Variants in SUCO observed in about 807,000 individuals in gnomAD.
SUCO encodes SUN domain-containing ossification factor.
SUCO carries 57 observed loss-of-function variants against 148.1 expected under a neutral mutation model. The ratio of observed to expected loss-of-function variants is 0.38; its 90% CI spans 0.31 to 0.48. The LOEUF (loss-of-function observed/expected upper bound fraction) is 0.48. Among genes scored for constraint, SUCO ranks in the 20% least tolerant of loss-of-function variants. The pLI, the probability that SUCO is intolerant of heterozygous loss-of-function variation, is 0.96. For synonymous variants in SUCO, 470 were observed against 502.7 expected, an observed-to-expected ratio of 0.93 and a Z score of 0.87; for missense variants, 1,331 against 1,468.2, an observed-to-expected ratio of 0.91 and a Z score of 1.53.
chr1:172,599,979 GT>G, intron 19 of SUCO, 84 bp from the exon 20 acceptor site: 16 of 928,828 alleles, frequency 1.7e-5, no homozygotes, highest in East Asian at 5.9e-5. Context: ...TAACTTAATG[GT>G]TTTTTTTAGA....
At chr1:172,573,285 A>AT (rs1383905333) in intron 9 of SUCO, among the ~76,000 whole-genome samples, 1 of 152,100 alleles carries the variant, frequency 6.6e-6, no homozygotes, top group Non-Finnish European at 1.5e-5. Flanking sequence ...CAGTCTCTAG[A>AT]TTTTTTATGT....
chr1:172,574,799 G>A, intron 10 of SUCO: 1 of 694,876 alleles, frequency 1.4e-6, no homozygotes, highest in South Asian at 6.4e-5. Flanking sequence ...TTTCCTTGGT[G>A]TTTCTTCCTC....
chr1:172,532,771 CGCGGACTCAGCGCGCGAGGGACGAAGG>C (rs1399480204), upstream of SUCO: 2 of 1,612,632 alleles, frequency 1.2e-6, no homozygotes, highest in Non-Finnish European at 1.7e-6. Flanking sequence ...AAGGCCCTTG[CGCGGACTCAGCGCGCGAGGGACGAAGG>C]GCGGTCCACT....
chr1:172,578,132 TTGAAAC>T (rs1322225910), intron 13 of SUCO, among the ~76,000 whole-genome samples, 160 bp from the exon 14 acceptor site: 3 of 151,954 alleles, frequency 2.0e-5, no homozygotes, highest in Non-Finnish European at 2.9e-5. Flanking sequence ...TACATTTTAA[TTGAAAC>T]AGTAGATGAC....
At chr1:172,557,600 C>G (rs1186375369) in intron 5 of SUCO, 44 bp from the exon 6 acceptor site, 1 of 1,510,862 alleles carries the variant, frequency 6.6e-7, no homozygotes, top group African/African-American at 1.4e-5. Flanking sequence ...AATTTGTTAT[C>G]CAGTAAAATC....
At chr1:172,602,932 T>C in intron 22 of SUCO, 145 bp downstream of exon 22, 1 of 669,246 alleles carries the variant, frequency 1.5e-6, no homozygotes, top group Non-Finnish European at 2.5e-6. Flanking sequence ...TCAAGCCACT[T>C]TATCATTTTC....
chr1:172,570,072 T>C lies in SUCO; in HGVS notation c.882T>C (p.Asn294=). ...GTCAGTCGATGCATGCATCTTCTAA[T>C]GGAGGTTCACATGCCACCAAAAAGG... ...EKSQSMHASS[N]GGSHATKKVQ... Residue 294 remains asparagine, a synonymous_variant, in exon 8 of 24, where the codon AAT becomes AAC. Transcript: ENST00000263688. 7 of 1,581,988 alleles carry C rather than the reference T, an allele frequency of 4.4e-6. No individual in the cohort carries two copies. The highest frequency in any genetic ancestry group is 6.0e-6 in the Non-Finnish European group (7 of 1,161,106).
intron 6 of SUCO, among the ~76,000 whole-genome samples, chr1:172,562,272 A>T (rs1192618965): frequency 1.3e-5 from 2 of 152,238 alleles, no homozygotes; most frequent in Non-Finnish European, 2.9e-5. Flanking sequence ...AAGATTGAAA[A>T]GCAAAATTTC....
At chr1:172,583,741 T>C (rs1025670739) in intron 15 of SUCO, among the ~76,000 whole-genome samples, 1 of 152,192 alleles carries the variant, frequency 6.6e-6, no homozygotes, top group Non-Finnish European at 1.5e-5. Flanking sequence ...TAGGAGTATC[T>C]GATACCAAAG....
intron 1 of SUCO, among the ~76,000 whole-genome samples, chr1:172,545,910 T>G (rs577143069): frequency 9.3e-5 from 14 of 150,074 alleles, no homozygotes; most frequent in African/African-American, 2.2e-4. Context: ...CCGTCCGTCC[T>G]TCCTTCCTTC....
At chr1:172,605,132 T>C (rs1657780445) in intron 22 of SUCO, among the ~76,000 whole-genome samples, 1 of 151,862 alleles carries the variant, frequency 6.6e-6, no homozygotes, top group South Asian at 2.1e-4. Flanking sequence ...TTTAGGTTGC[T>C]TTTTCACTGT....
At chr1:172,586,276 C>T (rs1004066719) in intron 17 of SUCO, among the ~76,000 whole-genome samples, 6 of 151,836 alleles carry the variant, frequency 4.0e-5, no homozygotes, top group Admixed American at 1.3e-4. Context: ...TTTTAAAGGC[C>T]CCCCCTTTTT....
At chr1:172,604,905 C>T (rs774522314) in intron 22 of SUCO, among the ~76,000 whole-genome samples, 6 of 151,730 alleles carry the variant, frequency 4.0e-5, no homozygotes, top group Non-Finnish European at 5.9e-5. Context: ...TACCTCATTT[C>T]CTTTATCCAT....
chr1:172,548,972 G>A (rs1392609003), intron 1 of SUCO, among the ~76,000 whole-genome samples: 1 of 151,840 alleles, frequency 6.6e-6, no homozygotes, highest in Non-Finnish European at 1.5e-5. Flanking sequence ...CTGTAGCTTT[G>A]CCAGTGGTTG....
chr1:172,597,166 A>G (rs747086324), intron 19 of SUCO, among the ~76,000 whole-genome samples: 2 of 152,214 alleles, frequency 1.3e-5, no homozygotes, highest in Non-Finnish European at 2.9e-5. Flanking sequence ...GAGCGTCTCA[A>G]TTTTCCAGGT....
At chr1:172,571,318 C>T (rs952323163) in intron 9 of SUCO, among the ~76,000 whole-genome samples, 2 of 152,228 alleles carry the variant, frequency 1.3e-5, no homozygotes, top group African/African-American at 4.8e-5. Flanking sequence ...GCCTCGGCCT[C>T]CCGAGGTGCC....
intron 15 of SUCO, chr1:172,584,237 C>T: frequency 5.5e-6 from 1 of 182,358 alleles, no homozygotes; most frequent in South Asian, 1.9e-4. Context: ...TGGATAATCT[C>T]TGTTTTGTTT....
Position 172,610,095 on chromosome 1 carries a change from G to A in SUCO, c.3601G>A (p.Ala1201Thr). 1 of 1,613,788 alleles carries A rather than the reference G, an allele frequency of 6.2e-7. No individual in the cohort carries two copies. Among genetic ancestry groups the A allele is most frequent in the African/African-American group, 1.3e-5 (1 of 74,990 alleles). ...TCAAAAGACAAAAACTGAGAAGAGGGCTTTAAAACGAAGACGATCTAAAGT... is the reference window on the plus strand; with the variant it reads ...TCAAAAGACAAAAACTGAGAAGAGGACTTTAAAACGAAGACGATCTAAAGT... ...QSQKTKTEKR[A>T]LKRRRSKVQD... Residue 1201 changes from alanine to threonine, a missense_variant, in exon 24 of 24, where the codon GCT becomes ACT. Coordinates refer to ENST00000263688, the MANE Select transcript of SUCO (RefSeq NM_014283.5).
chr1:172,556,163 TTG>T, intron 4 of SUCO, 140 bp downstream of exon 4: 2 of 623,766 alleles, frequency 3.2e-6, no homozygotes, highest in Non-Finnish European at 5.5e-6. Flanking sequence ...TGCTTGTGTT[TTG>T]TGTGCGTATG....
Sources: allele counts gnomAD v4.1 joint callset (sites outside exome capture counted in the v4.1 genomes callset), GRCh38; gene constraint gnomAD v4.1.1; transcripts MANE v1.5; gene names NCBI Gene and HGNC (gene_info 2026-07-23, HGNC 2026-07-21).